ANK3: variants seen among roughly 807,000 people sequenced by gnomAD.
ANK3 encodes ankyrin 3.
A neutral mutation model predicts 370.9 loss-of-function variants in ANK3; 57 were observed. The observed-to-expected ratio is 0.15, with a 90% CI of 0.12 to 0.19. The LOEUF (loss-of-function observed/expected upper bound fraction) is 0.19. Among genes scored for constraint, ANK3 ranks in the 10% least tolerant of loss-of-function variants. The pLI, the probability that ANK3 is intolerant of heterozygous loss-of-function variation, is 1.00. For missense variants in ANK3, 4,439 were observed against 5,302.1 expected, an observed-to-expected ratio of 0.84 and a Z score of 5.06; for synonymous variants, 1,929 against 1,946.3, an observed-to-expected ratio of 0.99 and a Z score of 0.23.
At chr10:60,482,911 G>T (rs1003367745) in intron 2 of ANK3, among the ~76,000 whole-genome samples, 4 of 152,172 alleles carry the variant, frequency 2.6e-5, no homozygotes, top group African/African-American at 9.7e-5. Context: ...AACAGATTAT[G>T]TTATAGAATC....
intron 2 of ANK3, among the ~76,000 whole-genome samples, chr10:60,482,674 A>G (rs1041005116): frequency 6.6e-5 from 10 of 152,034 alleles, no homozygotes; most frequent in Non-Finnish European, 8.8e-5. Flanking sequence ...TTTTGTAGGG[A>G]CCAGGTTTCA....
intron 1 of ANK3, among the ~76,000 whole-genome samples, chr10:60,288,684 G>A (rs2040593650): frequency 6.6e-6 from 1 of 152,092 alleles, no homozygotes; most frequent in South Asian, 2.1e-4. Flanking sequence ...GGAGAGGTTT[G>A]GAACACCAGA....
At chr10:60,054,985 A>G (rs1260585628) in intron 42 of ANK3, among the ~76,000 whole-genome samples, 1 of 152,228 alleles carries the variant, frequency 6.6e-6, no homozygotes. Flanking sequence ...AATCTATTAG[A>G]TTGTACCACA....
intron 2 of ANK3, among the ~76,000 whole-genome samples, chr10:60,483,731 G>T (rs185904093): frequency 6.6e-6 from 1 of 152,130 alleles, no homozygotes; most frequent in East Asian, 1.9e-4. Context: ...CAGCCCCCAG[G>T]AACTCATGGA....
intron 2 of ANK3, among the ~76,000 whole-genome samples, chr10:60,512,692 G>A (rs2133165539): frequency 6.6e-6 from 1 of 152,134 alleles, no homozygotes; most frequent in Non-Finnish European, 1.5e-5. Flanking sequence ...GTCCTTGAGG[G>A]AATAAGATTT....
intron 1 of ANK3, among the ~76,000 whole-genome samples, chr10:60,632,440 G>A (rs983791123): frequency 6.6e-6 from 1 of 152,050 alleles, no homozygotes; most frequent in African/African-American, 2.4e-5. Context: ...TAAGATGACA[G>A]GTCTTTGTTT....
At chr10:60,509,294 A>C (rs554455364) in intron 2 of ANK3, among the ~76,000 whole-genome samples, 1 of 152,294 alleles carries the variant, frequency 6.6e-6, no homozygotes, top group East Asian at 1.9e-4. Context: ...TAGCACAACT[A>C]GTATGCATGA....
chr10:60,623,602 C>A (rs1472342533), intron 1 of ANK3, among the ~76,000 whole-genome samples: 1 of 152,126 alleles, frequency 6.6e-6, no homozygotes, highest in East Asian at 1.9e-4. Context: ...AATAAGATAT[C>A]ATAGGTTGTT....
At chr10:60,709,899 T>C (rs2079678656) in intron 1 of ANK3, among the ~76,000 whole-genome samples, 1 of 151,998 alleles carries the variant, frequency 6.6e-6, no homozygotes, top group Non-Finnish European at 1.5e-5. Flanking sequence ...CCATACTGTA[T>C]TTATCAATAT....
chr10:60,450,104 C>T (rs1227943585), intron 2 of ANK3, among the ~76,000 whole-genome samples: 2 of 152,058 alleles, frequency 1.3e-5, no homozygotes, highest in African/African-American at 2.4e-5. Context: ...CAAGACCAGC[C>T]TGGGGAACAT....
chr10:60,615,150 A>C, intron 2 of ANK3: 1 of 1,355,750 alleles, frequency 7.4e-7, no homozygotes, highest in South Asian at 1.4e-5. Flanking sequence ...CACACAAAAT[A>C]ATATATTTGT....
chr10:60,721,960 T>C (rs1352644347), intron 1 of ANK3, among the ~76,000 whole-genome samples: 1 of 152,144 alleles, frequency 6.6e-6, no homozygotes, highest in Non-Finnish European at 1.5e-5. Flanking sequence ...TACATACATT[T>C]TGAATGATAG....
intron 2 of ANK3, among the ~76,000 whole-genome samples, chr10:60,548,368 T>C (rs11815752): frequency 0.075 from 11,376 of 151,958 alleles, 598 homozygotes; most frequent in South Asian, 0.18. Context: ...CCCACCACCA[T>C]GTGCAGCTAT....
chr10:60,567,094 C>T (rs1314926769), intron 2 of ANK3, among the ~76,000 whole-genome samples: 1 of 152,118 alleles, frequency 6.6e-6, no homozygotes, highest in Admixed American at 6.5e-5. Context: ...GCAAGTTATC[C>T]AGAAGATCTA....
intron 1 of ANK3, among the ~76,000 whole-genome samples, chr10:60,672,374 T>C (rs960836161): frequency 6.6e-6 from 1 of 152,154 alleles, no homozygotes; most frequent in Non-Finnish European, 1.5e-5. Flanking sequence ...ATTAGAAGCT[T>C]GGAATTTTCA....
intron 23 of ANK3, chr10:60,139,360 A>G (rs570420151): frequency 2.6e-6 from 1 of 383,182 alleles, no homozygotes; most frequent in Non-Finnish European, 4.6e-6. Context: ...GCTTCCCTGT[A>G]AGCCTCAGCT....
intron 23 of ANK3, among the ~76,000 whole-genome samples, chr10:60,151,597 T>C (rs2095118950): frequency 6.6e-6 from 1 of 151,732 alleles, no homozygotes; most frequent in African/African-American, 2.4e-5. Context: ...AAAAAAAAAG[T>C]GTTCAAAATT....
chr10:60,165,269 A>G (rs2095597774), intron 23 of ANK3, among the ~76,000 whole-genome samples: 1 of 152,244 alleles, frequency 6.6e-6, no homozygotes, highest in South Asian at 2.1e-4. Context: ...TCTTCTGCAC[A>G]GAAGTTACTC....
At chr10:60,225,316 T>C (rs904736691) in intron 8 of ANK3, among the ~76,000 whole-genome samples, 1 of 152,180 alleles carries the variant, frequency 6.6e-6, no homozygotes, top group African/African-American at 2.4e-5. Flanking sequence ...TGAAATAAAA[T>C]TTTTTGAATG....
Sources: gnomAD v4.1 joint callset for allele counts (sites outside exome capture counted in the v4.1 genomes callset) on GRCh38, gnomAD v4.1.1 for gene constraint, MANE v1.5 for transcripts, NCBI Gene and HGNC (gene_info 2026-07-23, HGNC 2026-07-21) for gene names.